STK31: variants seen among roughly 807,000 people sequenced by gnomAD.
STK31 encodes serine/threonine-protein kinase 31.
Under a neutral mutation model 129.7 loss-of-function variants are expected in STK31, and 89 were observed. The ratio of observed to expected loss-of-function variants is 0.69; its 90% confidence interval spans 0.58 to 0.82. The LOEUF (loss-of-function observed/expected upper bound fraction) is 0.82. Among genes scored for constraint, STK31 ranks in the 40% least tolerant of loss-of-function variants. STK31 has a pLI of 0.00. For synonymous variants in STK31, 448 were observed against 395.3 expected, an observed-to-expected ratio of 1.13 and a Z score of -1.58; for missense variants, 1,187 against 1,176.4, an observed-to-expected ratio of 1.01 and a Z score of -0.13.
At chr7:23,771,202 T>C in intron 14 of STK31, 78 bp downstream of exon 14, 10 of 1,330,498 alleles carry the variant, frequency 7.5e-6, no homozygotes, top group Non-Finnish European at 9.9e-6. Context: ...TCTATTGTTG[T>C]TTAATACTCA....
intron 22 of STK31, among the ~76,000 whole-genome samples, chr7:23,792,340 A>C (rs1439451988): frequency 6.6e-6 from 1 of 152,220 alleles, no homozygotes; most frequent in Non-Finnish European, 1.5e-5. Context: ...AATAATAGGA[A>C]ATTAAAATTT....
chr7:23,821,777 T>G (rs983314623), intron 23 of STK31, among the ~76,000 whole-genome samples: 1 of 152,234 alleles, frequency 6.6e-6, no homozygotes, highest in African/African-American at 2.4e-5. Flanking sequence ...AGTATTTTTA[T>G]AGTCTTGGGT....
intron 23 of STK31, among the ~76,000 whole-genome samples, chr7:23,819,438 GAC>G (rs1793667062): frequency 7.0e-6 from 1 of 142,312 alleles, no homozygotes; most frequent in African/African-American, 2.6e-5. Context: ...TTTTTTTTGA[GAC>G]AGTCTTGCTT....
chr7:23,827,700 C>G (rs965704572), intron 23 of STK31, among the ~76,000 whole-genome samples: 1 of 152,134 alleles, frequency 6.6e-6, no homozygotes, highest in African/African-American at 2.4e-5. Context: ...TTTTTCTGCT[C>G]TGTTTTTTCC....
chr7:23,827,403 T>C (rs1794232703), intron 23 of STK31, among the ~76,000 whole-genome samples: 1 of 152,244 alleles, frequency 6.6e-6, no homozygotes, highest in Non-Finnish European at 1.5e-5. Context: ...TACTGAGTCT[T>C]GTGCATTCGT....
intron 22 of STK31, chr7:23,791,428 C>T: frequency 2.6e-6 from 1 of 380,068 alleles, no homozygotes; most frequent in Non-Finnish European, 3.6e-6. Flanking sequence ...ACACTGAGTA[C>T]ATATGGACAC....
intron 11 of STK31, among the ~76,000 whole-genome samples, chr7:23,765,342 C>T (rs574412946): frequency 4.6e-5 from 7 of 152,172 alleles, no homozygotes; most frequent in East Asian, 1.9e-4. Context: ...TGTGAGCCAC[C>T]GCACCTGGCT....
chr7:23,789,177 C>T (rs907266263), intron 21 of STK31, among the ~76,000 whole-genome samples: 1 of 151,420 alleles, frequency 6.6e-6, no homozygotes, highest in East Asian at 1.9e-4. Context: ...TATGGATGCA[C>T]CACATTTTGT....
chr7:23,786,462 G>A lies in STK31; in HGVS notation c.2275-46G>A, dbSNP rs371963959. 3 of 1,549,602 alleles carry A rather than the reference G, an allele frequency of 1.9e-6. No individual in the cohort carries two copies. In the African/African-American group the frequency reaches 4.1e-5, roughly 21 times the overall value. Reference sequence around the variant, plus strand: ...AATTGGAATGATGTATAATTATAATGAGATTTTCATCTTGGAATTACGAGT... The same window carrying A: ...AATTGGAATGATGTATAATTATAATAAGATTTTCATCTTGGAATTACGAGT... On this transcript the variant is annotated intron_variant, in intron 18 of 23. Transcript: ENST00000355870.
chr7:23,773,691 C>T (rs1188208817), intron 15 of STK31, among the ~76,000 whole-genome samples: 5 of 151,734 alleles, frequency 3.3e-5, no homozygotes, highest in Non-Finnish European at 7.4e-5. Flanking sequence ...TCTCCACATC[C>T]TCTCCAGCAT....
chr7:23,799,710 A>C (rs1792241560), intron 22 of STK31, among the ~76,000 whole-genome samples: 1 of 152,236 alleles, frequency 6.6e-6, no homozygotes, highest in South Asian at 2.1e-4. Context: ...CACCAAAAGC[A>C]CTGGCAACAA....
At chr7:23,717,417 C>G (rs1786411165) in intron 3 of STK31, 64 bp from the exon 4 acceptor site, 4 of 1,166,220 alleles carry the variant, frequency 3.4e-6, no homozygotes, top group Admixed American at 4.4e-5. Flanking sequence ...GCTTAGAACC[C>G]TCAAGCGTGT....
At chr7:23,822,890 T>C (rs1263669045) in intron 23 of STK31, among the ~76,000 whole-genome samples, 3 of 152,216 alleles carry the variant, frequency 2.0e-5, no homozygotes, top group Non-Finnish European at 2.9e-5. Context: ...AATGATGGTT[T>C]CCAGCTTCAT....
At chr7:23,721,538 C>CTT in intron 4 of STK31, 1 of 947,752 alleles carries the variant, frequency 1.1e-6, no homozygotes, top group Non-Finnish European at 1.7e-6. Flanking sequence ...CTGTTTAACT[C>CTT]TCTTTTTTTT....
chr7:23,796,383 A>G (rs1791955357), intron 22 of STK31, among the ~76,000 whole-genome samples: 1 of 151,802 alleles, frequency 6.6e-6, no homozygotes, highest in Admixed American at 6.6e-5. Flanking sequence ...GGGAGGACTC[A>G]TAAGATATCC....
intron 10 of STK31, among the ~76,000 whole-genome samples, chr7:23,761,079 C>T (rs1490656323): frequency 3.3e-5 from 5 of 149,344 alleles, no homozygotes; most frequent in African/African-American, 1.2e-4. Flanking sequence ...AATGTATTTT[C>T]ATGTAAGATG....
chr7:23,792,676 A>T (rs1360787249), intron 22 of STK31, among the ~76,000 whole-genome samples: 1 of 152,186 alleles, frequency 6.6e-6, no homozygotes, highest in Non-Finnish European at 1.5e-5. Context: ...AAAAGAACAA[A>T]ATTGAAGGAC....
intron 10 of STK31, among the ~76,000 whole-genome samples, chr7:23,757,971 A>C (rs1482665041): frequency 6.6e-6 from 1 of 152,198 alleles, no homozygotes; most frequent in African/African-American, 2.4e-5. Context: ...TTGTTTAACA[A>C]AGCACATCCT....
chr7:23,788,913 T>C (rs1294456363), intron 21 of STK31, among the ~76,000 whole-genome samples: 1 of 152,158 alleles, frequency 6.6e-6, no homozygotes, highest in African/African-American at 2.4e-5. Flanking sequence ...TCCAGAACAT[T>C]ATTAACATTC....
Sources: gnomAD v4.1 joint callset for allele counts (sites outside exome capture counted in the v4.1 genomes callset) on GRCh38, gnomAD v4.1.1 for gene constraint, MANE v1.5 for transcripts, NCBI Gene and HGNC (gene_info 2026-07-23, HGNC 2026-07-21) for gene names.